ADAMTS16: variants seen among roughly 807,000 people sequenced by gnomAD.
ADAMTS16 encodes the protein A disintegrin and metalloproteinase with thrombospondin motifs 16.
In ADAMTS16, 94 loss-of-function variants were observed where a neutral mutation model predicts 145.8. The ratio of observed to expected loss-of-function variants is 0.64; its 90% CI spans 0.55 to 0.77. ADAMTS16 has a LOEUF of 0.77. Among genes scored for constraint, ADAMTS16 ranks in the 30% least tolerant of loss-of-function variants. The pLI is 0.00. For missense variants in ADAMTS16, 1,585 were observed against 1,591.5 expected (o/e 1.00, Z 0.07); for synonymous variants, 659 against 604.3 (o/e 1.09, Z -1.33).
In ADAMTS16 at chr5:5,317,925, G is replaced by A. The variant is rs1466393267; in HGVS notation, c.3412-209G>A. Among the ~76,000 whole-genome samples the A allele has an allele frequency of 1.3e-5, 2 of 152,218 alleles. No individual in the cohort carries two copies. Among genetic ancestry groups the A allele is most frequent in the Non-Finnish European group, 2.9e-5 (2 of 68,032 alleles). ...CTGCTAGAGGCCTGGCCCAGCACAT[G>A]CCTGGTGCTTGCTTCTGGAAAAGGT... On this transcript the variant is annotated intron_variant, in intron 21 of 22. Coordinates refer to ENST00000274181, the MANE Select transcript of ADAMTS16 (RefSeq NM_139056.4). This position sits in a 1 kb window ranked among gnomAD's most constrained non-coding sequence, Gnocchi z 4.5.
At chr5:5,200,761 C>T (rs1248594335) in intron 9 of ADAMTS16, among the ~76,000 whole-genome samples, 1 of 151,680 alleles carries the variant, frequency 6.6e-6, no homozygotes, top group Non-Finnish European at 1.5e-5. Flanking sequence ...ATGCATTCCT[C>T]ATTAGGTGAA....
chr5:5,212,189 G>GTTTTTTTTTTTTTTTTTTTTT lies in ADAMTS16; in HGVS notation c.1605+2943_1605+2944insTTTTTTTTTTTTTTTTTTTTT. ...TCATGTTAGTACTATTAGTTTCTGGGGTTTTTTTTGTTTTGTTTTGTTTTG... is the reference window on the plus strand; with the variant it reads ...TCATGTTAGTACTATTAGTTTCTGGGTTTTTTTTTTTTTTTTTTTTTGTTTTTTTTGTTTTGTTTTGTTTTG... On this transcript the variant is annotated intron_variant, in intron 10 of 22. Coordinates refer to ENST00000274181, the MANE Select transcript of ADAMTS16 (RefSeq NM_139056.4). 7.1e-5 allele frequency among the ~76,000 whole-genome samples: 7 copies of GTTTTTTTTTTTTTTTTTTTTT among 98,718 alleles called. 1 individual carries two copies. Among genetic ancestry groups the GTTTTTTTTTTTTTTTTTTTTT allele is most frequent in the African/African-American group, 5.9e-5 (2 of 33,926 alleles). 64.8% of individuals were successfully genotyped at this position (98,718 alleles called of 152,430 possible).
chr5:5,205,262 C>G (rs996885168), intron 9 of ADAMTS16, among the ~76,000 whole-genome samples: 2 of 150,260 alleles, frequency 1.3e-5, no homozygotes, highest in African/African-American at 4.9e-5. Context: ...TTAATGGAAT[C>G]CAAATTATTA....
intron 10 of ADAMTS16, among the ~76,000 whole-genome samples, chr5:5,219,747 C>T (rs1396644733): frequency 2.0e-5 from 3 of 152,286 alleles, no homozygotes; most frequent in Non-Finnish European, 2.9e-5. Context: ...TGGCATGAGC[C>T]GAATCACAGA....
In ADAMTS16 at chr5:5,209,172, T is replaced by C. The variant is rs377078671; in HGVS notation, c.1531T>C (p.Leu511=). The part of the protein sequence containing the change: ...YKYPEKLPGE[L]YDANTQCKWQ... ...GTATCCTGAGAAATTGCCAGGAGAA[T>C]TATATGATGCAAACACACAGTGCAA... The change falls in exon 10 of 23, where the codon TTA becomes CTA. Residue 511 remains leucine, a synonymous_variant. Transcript: ENST00000274181. The C allele has an allele frequency of 1.5e-5, 25 of 1,613,958 alleles. No individual in the cohort carries two copies. The African/African-American group carries it at 3.2e-4, about 21-fold the overall frequency.
intron 20 of ADAMTS16, among the ~76,000 whole-genome samples, chr5:5,305,989 C>G (rs1026167213): frequency 6.6e-6 from 1 of 152,220 alleles, no homozygotes; most frequent in Non-Finnish European, 1.5e-5. Flanking sequence ...AAGCTTAGAG[C>G]CTGCCTTAGT....
intron 3 of ADAMTS16, among the ~76,000 whole-genome samples, chr5:5,177,611 T>A (rs1735235542): frequency 6.6e-6 from 1 of 151,912 alleles, no homozygotes; most frequent in Non-Finnish European, 1.5e-5. Flanking sequence ...AGATTCATAT[T>A]TGGCTCTGAG....
intron 3 of ADAMTS16, among the ~76,000 whole-genome samples, chr5:5,151,187 C>T (rs1734443684): frequency 6.6e-6 from 1 of 151,376 alleles, no homozygotes; most frequent in African/African-American, 2.4e-5. Flanking sequence ...TGCAACACTG[C>T]CATCATGGCT....
In ADAMTS16 at chr5:5,140,788, T is replaced by C. The variant is rs916195709; in HGVS notation, c.175+22T>C. On this transcript the variant is annotated intron_variant, in intron 2 of 22. Transcript: ENST00000274181. ...GGCGGTAAGTCCGTGAGGTGGGGGC[T>C]TCTAATCCTTGCCATTTAGCAGCTC... The C allele has an allele frequency of 6.5e-6, 10 of 1,530,266 alleles. No homozygotes were observed. In the Admixed American group the frequency reaches 1.8e-4, roughly 28 times the overall value. 94.8% of individuals were successfully genotyped at this position (1,530,266 alleles called of 1,614,324 possible). A position where few individuals can be genotyped will look rare whatever the true frequency, so the allele number is the denominator to read the frequency against.
At chr5:5,309,814 C>T (rs575612951) in intron 21 of ADAMTS16, among the ~76,000 whole-genome samples, 3 of 137,836 alleles carry the variant, frequency 2.2e-5, no homozygotes, top group African/African-American at 8.2e-5. Flanking sequence ...TTAGGAGAGA[C>T]AGGTCATGTC....
intron 11 of ADAMTS16, among the ~76,000 whole-genome samples, chr5:5,230,852 A>G (rs1410407346): frequency 6.6e-6 from 1 of 152,144 alleles, no homozygotes; most frequent in Non-Finnish European, 1.5e-5. Flanking sequence ...TCTTCCACTA[A>G]CCTGACCTCA....
At chr5:5,225,944 C>CATTAATTCACATGGTCATGGT (rs1736752742) in intron 11 of ADAMTS16, among the ~76,000 whole-genome samples, 1 of 107,234 alleles carries the variant, frequency 9.3e-6, no homozygotes, top group Non-Finnish European at 2.1e-5. Context: ...ATGGTCATGG[C>CATTAATTCACATGGTCATGGT]GAAATTCAAC....
intron 18 of ADAMTS16, among the ~76,000 whole-genome samples, chr5:5,265,078 C>T (rs1352471067): frequency 1.3e-5 from 2 of 152,200 alleles, no homozygotes; most frequent in Non-Finnish European, 2.9e-5. Flanking sequence ...CAGACACACC[C>T]TCATCGTTTA....
At chr5:5,304,200 G>T (rs1287452339) in intron 20 of ADAMTS16, among the ~76,000 whole-genome samples, 1 of 152,192 alleles carries the variant, frequency 6.6e-6, no homozygotes, top group Non-Finnish European at 1.5e-5. Context: ...CCTGAGACAA[G>T]TTTCCGGGGG....
chr5:5,202,985 T>A (rs1736002948), intron 9 of ADAMTS16, among the ~76,000 whole-genome samples: 1 of 152,206 alleles, frequency 6.6e-6, no homozygotes, highest in African/African-American at 2.4e-5. Context: ...GTACTGGAAT[T>A]AAAAGCCATT....
chr5:5,172,179 T>TAACTTTTCAAAAAACC (rs1735059250), intron 3 of ADAMTS16, among the ~76,000 whole-genome samples: 3 of 152,118 alleles, frequency 2.0e-5, no homozygotes, highest in Non-Finnish European at 2.9e-5. Context: ...CAATTTTGTT[T>TAACTTTTCAAAAAACC]AACTTTTCAA....
At chr5:5,264,212 G>A (rs369531528) in intron 18 of ADAMTS16, among the ~76,000 whole-genome samples, 1 of 152,066 alleles carries the variant, frequency 6.6e-6, no homozygotes, top group African/African-American at 2.4e-5. Flanking sequence ...GGAAGTTCTC[G>A]CTCTGGTCTG....
At chr5:5,244,150 T>C (rs1209066712) in intron 17 of ADAMTS16, among the ~76,000 whole-genome samples, 1 of 152,106 alleles carries the variant, frequency 6.6e-6, no homozygotes, top group African/African-American at 2.4e-5. Context: ...CAGAACCTAA[T>C]CAAGGCATGC....
In ADAMTS16 at chr5:5,198,335, T is replaced by C. The variant is rs755919751; in HGVS notation, c.1314-1797T>C. ...TACCCTGGCCTTGATTAATTGCCTT[T>C]AATAGAACTTCAGAGAATGGGTGGA... On this transcript the variant is annotated intron_variant, in intron 8 of 22. Coordinates refer to ENST00000274181, the MANE Select transcript of ADAMTS16 (RefSeq NM_139056.4). Among the ~76,000 whole-genome samples the C allele has an allele frequency of 1.6e-4, 25 of 152,314 alleles. 1 individual carries two copies. The highest frequency in any genetic ancestry group is 5.5e-4 in the African/African-American group (23 of 41,564).
Sources: gnomAD v4.1 joint callset for allele counts (sites outside exome capture counted in the v4.1 genomes callset) on GRCh38, gnomAD v4.1.1 for gene constraint, Gnocchi (gnomAD v3.1) non-coding constraint, MANE v1.5 for transcripts, NCBI Gene and HGNC (gene_info 2026-07-23, HGNC 2026-07-21) for gene names.